Variants in DTNBP1 observed in about 807,000 individuals in gnomAD.
DTNBP1 encodes dysbindin.
In DTNBP1, 35 loss-of-function variants were observed where a neutral mutation model predicts 42.8. The ratio of observed to expected loss-of-function variants is 0.82; its 90% CI spans 0.63 to 1.09. DTNBP1 has a LOEUF of 1.09. DTNBP1 is among the 50% of genes least tolerant of loss of function. The probability of loss-of-function intolerance (pLI) is 0.00; values close to 1 mark genes in which losing one functional copy is unlikely to be tolerated. For missense variants in DTNBP1, 457 were observed against 424.2 expected, an observed-to-expected ratio of 1.08 and a Z score of -0.68; for synonymous variants, 171 against 162.2, an observed-to-expected ratio of 1.05 and a Z score of -0.41.
chr6:15,630,853 G>A (rs962816867), intron 4 of DTNBP1, among the ~76,000 whole-genome samples: 2 of 152,212 alleles, frequency 1.3e-5, no homozygotes, highest in Non-Finnish European at 2.9e-5. Flanking sequence ...GGGAGGCAGA[G>A]GTTGCAGAGA....
chr6:15,626,949 A>G (rs892497118), intron 5 of DTNBP1, among the ~76,000 whole-genome samples: 5 of 152,220 alleles, frequency 3.3e-5, no homozygotes, highest in Non-Finnish European at 7.3e-5. Flanking sequence ...AAAATACACT[A>G]CAAGACATGA....
intron 3 of DTNBP1, among the ~76,000 whole-genome samples, chr6:15,642,101 TTTCA>T (rs1214837374): frequency 1.8e-4 from 28 of 151,882 alleles, no homozygotes; most frequent in Admixed American, 1.6e-3. Context: ...CAGCTCAAGC[TTTCA>T]GGAAGGGTAG....
chr6:15,654,268 A>G (rs749725206), intron 1 of DTNBP1, among the ~76,000 whole-genome samples: 2 of 152,240 alleles, frequency 1.3e-5, no homozygotes, highest in African/African-American at 2.4e-5. Flanking sequence ...GTTTAAACCA[A>G]GATTAAGCAA....
intron 9 of DTNBP1, 105 bp downstream of exon 9, chr6:15,524,418 TGGG>T (rs774060953): frequency 2.2e-5 from 35 of 1,614,000 alleles, no homozygotes; most frequent in Non-Finnish European, 2.9e-5. Context: ...GCTGTGAGCT[TGGG>T]GGTTTATGCG....
chr6:15,523,521 T>A (rs944852875), intron 9 of DTNBP1: 5 of 1,275,726 alleles, frequency 3.9e-6, no homozygotes, highest in Non-Finnish European at 5.0e-6. Context: ...GTGCTGCCTA[T>A]CTTTGAGGAG....
At chr6:15,636,157 CTT>C (rs70996562) in intron 4 of DTNBP1, among the ~76,000 whole-genome samples, 11 of 126,936 alleles carry the variant, frequency 8.7e-5, no homozygotes, top group East Asian at 2.1e-4. Flanking sequence ...TTACCTGCAC[CTT>C]TTTTTTTTTT....
intron 6 of DTNBP1, among the ~76,000 whole-genome samples, chr6:15,595,755 G>A (rs111756095): frequency 2.6e-5 from 4 of 152,176 alleles, no homozygotes; most frequent in Non-Finnish European, 5.9e-5. Context: ...GGTCACAGAG[G>A]CCAAAGACGA....
chr6:15,564,119 T>C (rs1344817575), intron 7 of DTNBP1, among the ~76,000 whole-genome samples: 1 of 151,704 alleles, frequency 6.6e-6, no homozygotes, highest in African/African-American at 2.4e-5. Context: ...GAGACCCCTT[T>C]GAGGTTTCCT....
chr6:15,573,366 TTAACTC>T (rs1262521528), intron 7 of DTNBP1, among the ~76,000 whole-genome samples: 1 of 152,212 alleles, frequency 6.6e-6, no homozygotes, highest in African/African-American at 2.4e-5. Flanking sequence ...CTGGGGCTAA[TTAACTC>T]TAATAAGAGA....
At chr6:15,596,226 GATCATA>G in intron 6 of DTNBP1, among the ~76,000 whole-genome samples, 1 of 152,312 alleles carries the variant, frequency 6.6e-6, no homozygotes, top group South Asian at 2.1e-4. Flanking sequence ...TTCTAGTCTG[GATCATA>G]AGAAGGAAAA....
At chr6:15,635,887 T>C (rs1759982798) in intron 4 of DTNBP1, among the ~76,000 whole-genome samples, 1 of 152,228 alleles carries the variant, frequency 6.6e-6, no homozygotes, top group African/African-American at 2.4e-5. Flanking sequence ...TTTAAGTCCA[T>C]CTTTTATCTC....
intron 6 of DTNBP1, among the ~76,000 whole-genome samples, chr6:15,614,048 A>G (rs892624490): frequency 1.3e-5 from 2 of 151,420 alleles, no homozygotes; most frequent in South Asian, 2.1e-4. Flanking sequence ...CATTTTAAAT[A>G]CTCTCCCCAG....
chr6:15,554,413 TA>T (rs1433570511), intron 7 of DTNBP1, among the ~76,000 whole-genome samples: 2 of 152,160 alleles, frequency 1.3e-5, no homozygotes, highest in East Asian at 1.9e-4. Flanking sequence ...TCTTTTGTTA[TA>T]GGGGTCTTAA....
At chr6:15,598,570 G>C (rs1308980190) in intron 6 of DTNBP1, among the ~76,000 whole-genome samples, 1 of 152,052 alleles carries the variant, frequency 6.6e-6, no homozygotes, top group East Asian at 1.9e-4. Context: ...ACTTGTTCCT[G>C]GGAAAGATCT....
intron 3 of DTNBP1, among the ~76,000 whole-genome samples, chr6:15,644,314 G>C (rs1287072186): frequency 1.3e-5 from 2 of 152,048 alleles, no homozygotes; most frequent in African/African-American, 4.8e-5. Flanking sequence ...AACCGAAAAA[G>C]AGAGATAGCC....
intron 7 of DTNBP1, among the ~76,000 whole-genome samples, chr6:15,536,968 G>A (rs937203661): frequency 1.3e-5 from 2 of 152,218 alleles, no homozygotes; most frequent in Admixed American, 6.5e-5. Context: ...CTTGGGGCCT[G>A]TAGACCCTTT....
At chr6:15,635,986 G>A (rs1410107593) in intron 4 of DTNBP1, among the ~76,000 whole-genome samples, 3 of 151,994 alleles carry the variant, frequency 2.0e-5, no homozygotes, top group Non-Finnish European at 1.5e-5. Flanking sequence ...TCACACTTTG[G>A]TTCTGGTGAC....
chr6:15,660,532 G>T, intron 1 of DTNBP1: 2 of 1,289,724 alleles, frequency 1.6e-6, no homozygotes, highest in Non-Finnish European at 2.0e-6. Flanking sequence ...CTGTACAGGA[G>T]AAAGCCAACA....
intron 2 of DTNBP1, 30 bp from the exon 3 acceptor site, chr6:15,651,393 T>C (rs1444548240): frequency 1.9e-6 from 3 of 1,610,250 alleles, no homozygotes; most frequent in South Asian, 2.2e-5. Flanking sequence ...ATTAAAACTG[T>C]TCTTGATTTA....
Sources: allele counts gnomAD v4.1 joint callset (sites outside exome capture counted in the v4.1 genomes callset), GRCh38; gene constraint gnomAD v4.1.1; transcripts MANE v1.5; gene names NCBI Gene and HGNC (gene_info 2026-07-23, HGNC 2026-07-21).